Variants in POLI observed in about 807,000 individuals in gnomAD.
POLI encodes DNA polymerase iota.
POLI carries 58 observed loss-of-function variants against 51.6 expected under a neutral mutation model. The ratio of observed to expected loss-of-function variants is 1.12; its 90% CI spans 0.91 to 1.40. POLI has a LOEUF of 1.40. POLI is among the 40% of genes most tolerant of loss of function. The probability of loss-of-function intolerance (pLI) is 0.00; values close to 1 mark genes in which losing one functional copy is unlikely to be tolerated. For missense variants in POLI, 921 were observed against 871.3 expected, an observed-to-expected ratio of 1.06 and a Z score of -0.72; for synonymous variants, 322 against 299.7, an observed-to-expected ratio of 1.07 and a Z score of -0.77.
intron 7 of POLI, among the ~76,000 whole-genome samples, chr18:54,284,304 T>G (rs1479166862): frequency 2.6e-5 from 4 of 152,210 alleles, no homozygotes; most frequent in South Asian, 4.1e-4. Context: ...TTTCTAACAT[T>G]TCTAGACTTA....
chr18:54,294,132 A>G lies in POLI; in HGVS notation c.1888A>G (p.Lys630Glu). ...DYSYYLDNRL[K>E]DERISQGPKE... is the part of the protein sequence containing the mutation. ...TTCATATTATTTAGATAATAGATTA[A>G]AAGATGAACGAATAAGTCAAGGACC... is the stretch of plus-strand genomic sequence containing the variant. The change falls in exon 10 of 10, where the codon AAA (lysine) becomes GAA (glutamate). Residue 630 changes from lysine (K) to glutamate (E), a missense_variant. Physicochemically the swap from Lys to Glu is moderately conservative, Grantham distance 56. Transcript: ENST00000579534. 1 of 1,610,554 alleles carries G rather than the reference A, an allele frequency of 6.2e-7. No individual in the cohort carries two copies. The highest frequency in any genetic ancestry group is 1.1e-5 in the South Asian group (1 of 90,944).
chr18:54,277,358 T>C (rs1171418274), intron 3 of POLI, among the ~76,000 whole-genome samples: 1 of 152,224 alleles, frequency 6.6e-6, no homozygotes, highest in African/African-American at 2.4e-5. Context: ...CTATAGTTTA[T>C]TCTTTGACAC....
intron 9 of POLI, among the ~76,000 whole-genome samples, 173 bp downstream of exon 9, chr18:54,292,211 A>G (rs1168034091): frequency 3.3e-5 from 5 of 152,150 alleles, no homozygotes; most frequent in Non-Finnish European, 7.4e-5. Flanking sequence ...CTGGCCTTAA[A>G]TATGCTGTGA....
At chr18:54,282,449 A>AGTTTCACTTTTCACTTTTTCACAG (rs2087547575) in intron 5 of POLI, among the ~76,000 whole-genome samples, 4 of 152,136 alleles carry the variant, frequency 2.6e-5, no homozygotes, top group Non-Finnish European at 5.9e-5. Context: ...CACAGTTTCT[A>AGTTTCACTTTTCACTTTTTCACAG]TTACCTGCAG....
intron 1 of POLI, chr18:54,270,181 G>C (rs979262614): frequency 4.0e-6 from 1 of 247,756 alleles, no homozygotes; most frequent in Non-Finnish European, 6.4e-6. Context: ...TAAAGGCACC[G>C]GTTCTCATTT....
Position 54,283,956 on chromosome 18 carries a change from C to G in POLI, c.1010C>G (p.Ser337Ter). The change falls in exon 7 of 10, where the codon TCA becomes TGA. Residue 337 changes from serine to a stop codon, truncating the protein, a stop_gained. Coordinates refer to ENST00000579534, the MANE Select transcript of POLI (RefSeq NM_007195.3). LOFTEE classifies it high-confidence loss of function. ...FSEEDSFKKC[S>*]SEVEAKNKIE... The stretch of plus-strand genomic sequence containing the variant: ...GAAGAAGATTCATTTAAAAAATGTT[C>G]ATCTGAAGTTGAAGCTAAAAATAAG... The G allele has an allele frequency of 6.9e-7, 1 of 1,456,076 alleles. No individual in the cohort carries two copies. Among genetic ancestry groups the G allele is most frequent in the Non-Finnish European group, 9.6e-7 (1 of 1,045,444 alleles). The allele number at this position is 1,456,076 out of a possible 1,614,324, so 90.2% of individuals were successfully genotyped here. A position where few individuals can be genotyped will look rare whatever the true frequency, so the allele number is the denominator to read the frequency against.
chr18:54,273,845 A>G lies in POLI; in HGVS notation c.242-81A>G, dbSNP rs528480157. On this transcript the variant is annotated intron_variant, in intron 2 of 9. Transcript: ENST00000579534. The stretch of plus-strand genomic sequence containing the variant: ...CAAAACTGATTGTCTTACAATTTAG[A>G]CAAATGTAATACGGAATTAATAATA... 11 of 743,260 alleles carry G rather than the reference A, an allele frequency of 1.5e-5. No individual in the cohort carries two copies. The South Asian group carries it at 4.0e-4, about 27-fold the overall frequency. The allele number at this position is 743,260 out of a possible 1,614,324, so 46.0% of individuals were successfully genotyped here.
At chr18:54,291,290 T>G (rs1568139885) in intron 8 of POLI, 1 of 152,306 alleles carries the variant, frequency 6.6e-6, no homozygotes, top group African/African-American at 2.4e-5. Context: ...TTCCCATTCG[T>G]TTCCTATCAA....
intron 2 of POLI, among the ~76,000 whole-genome samples, chr18:54,273,171 A>G (rs2087083173): frequency 6.6e-6 from 1 of 152,104 alleles, no homozygotes; most frequent in South Asian, 2.1e-4. Context: ...CAGTCTGTAA[A>G]TAAATGATCA....
chr18:54,308,990 T>G (rs2088631759), intron 3 of POLI, among the ~76,000 whole-genome samples: 1 of 152,236 alleles, frequency 6.6e-6, no homozygotes, highest in African/African-American at 2.4e-5. Flanking sequence ...GTCTAATCTT[T>G]TTTCAAGGTT....
intron 1 of POLI, chr18:54,270,140 A>G (rs542744280): frequency 2.0e-5 from 11 of 549,370 alleles, no homozygotes; most frequent in African/African-American, 1.8e-4. Context: ...TCTGGTCTTT[A>G]CCTTGTACCG....
At position 54,282,890 on chromosome 18, in the gene POLI, C is replaced by T. The variant is rs781575593; in HGVS notation, c.850C>T (p.Arg284Cys). Residue 284 changes from arginine to cysteine, a missense_variant, in exon 6 of 10, where the codon CGT becomes TGT. By Grantham distance (180) the Arg-to-Cys change is radical (BLOSUM62 -3). Transcript: ENST00000579534. ...CLEALGINSV[R>C]DLQTFSPKIL... ...TGAAGCACTGGGTATCAATAGTGTG[C>T]GTGATCTCCAAACCTTTTCACCCAA... 4.1e-5 allele frequency: 65 copies of T among 1,581,998 alleles called. No homozygotes were observed. Among genetic ancestry groups the T allele is most frequent in the African/African-American group, 8.1e-5 (6 of 74,352 alleles).
At chr18:54,291,777 AAT>A in intron 8 of POLI, 54 bp from the exon 9 acceptor site, 2 of 791,336 alleles carry the variant, frequency 2.5e-6, no homozygotes, top group South Asian at 3.9e-5. Flanking sequence ...AGCAATATAA[AAT>A]ATATTATGCT....
chr18:54,306,971 C>T (rs536878936), intron 3 of POLI, among the ~76,000 whole-genome samples: 6 of 152,066 alleles, frequency 3.9e-5, no homozygotes, highest in South Asian at 2.1e-4. Flanking sequence ...CTCTTTTCAT[C>T]TTTATTAGTC....
chr18:54,275,313 T>C (rs1048897204), intron 3 of POLI, among the ~76,000 whole-genome samples: 1 of 151,748 alleles, frequency 6.6e-6, no homozygotes, highest in Non-Finnish European at 1.5e-5. Context: ...CATGACAGAG[T>C]GAGACTCTTG....
chr18:54,302,989 G>A (rs1159460859), downstream of POLI, among the ~76,000 whole-genome samples: 1 of 152,174 alleles, frequency 6.6e-6, no homozygotes, highest in African/African-American at 2.4e-5. Flanking sequence ...AGTCCCATTA[G>A]CATCACATCA....
downstream of POLI, among the ~76,000 whole-genome samples, chr18:54,301,919 A>G (rs1217324162): frequency 6.6e-6 from 1 of 152,114 alleles, no homozygotes; most frequent in Non-Finnish European, 1.5e-5. Flanking sequence ...TTTTTCTCAG[A>G]TACAGTATCT....
At chr18:54,299,835 G>A (rs935411516), downstream of POLI, among the ~76,000 whole-genome samples, 6 of 152,082 alleles carry the variant, frequency 3.9e-5, no homozygotes, top group African/African-American at 1.4e-4. Context: ...CCTAATCAGA[G>A]CTCTTAAAAC....
At chr18:54,301,177 G>T (rs181169725), downstream of POLI, among the ~76,000 whole-genome samples, 182 of 152,278 alleles carry the variant, frequency 1.2e-3, 4 homozygotes, top group East Asian at 0.024. Flanking sequence ...TACTCGGGAG[G>T]CTGACGCAGG....
Sources: gnomAD v4.1 joint callset for allele counts (sites outside exome capture counted in the v4.1 genomes callset) on GRCh38, gnomAD v4.1.1 for gene constraint, MANE v1.5 for transcripts, NCBI Gene and HGNC (gene_info 2026-07-23, HGNC 2026-07-21) for gene names.